The following DIP2C variants were observed in gnomAD, a reference collection of about 807,000 sequenced individuals.
DIP2C encodes the protein DIP2 acetate--CoA ligase C (putative), also known as disco-interacting protein 2 homolog C.
Under a neutral mutation model 192.4 loss-of-function variants are expected in DIP2C, and 33 were observed. The observed-to-expected ratio is 0.17, with a 90% CI of 0.13 to 0.23. The LOEUF (loss-of-function observed/expected upper bound fraction) is 0.23, where lower values mean the gene tolerates loss of function less well. Among genes scored for constraint, DIP2C ranks in the 10% least tolerant of loss-of-function variants. DIP2C has a pLI of 1.00. For missense variants in DIP2C, 1,537 were observed against 2,110.1 expected (o/e 0.73, Z 5.32); for synonymous variants, 979 against 864.1 (o/e 1.13, Z -2.33).
chr10:503,247 C>T (rs939813721), intron 1 of DIP2C, among the ~76,000 whole-genome samples: 9 of 152,160 alleles, frequency 5.9e-5, no homozygotes, highest in African/African-American at 2.2e-4. Flanking sequence ...ATCATGATTC[C>T]AACATAAATC....
intron 30 of DIP2C, among the ~76,000 whole-genome samples, chr10:327,625 C>G (rs3123234): frequency 0.98 from 150,021 of 152,306 alleles, 73,926 homozygotes; most frequent in Middle Eastern, 1. Context: ...TTGAACTCCT[C>G]GGCTCAAGTG....
intron 1 of DIP2C, among the ~76,000 whole-genome samples, chr10:643,309 C>G (rs536135464): frequency 6.6e-6 from 1 of 151,556 alleles, no homozygotes; most frequent in Admixed American, 6.6e-5. Context: ...TGTCAGAGAT[C>G]GAGACCATCC....
At chr10:282,770 T>TG (rs1175165759) in intron 35 of DIP2C, among the ~76,000 whole-genome samples, 2 of 152,244 alleles carry the variant, frequency 1.3e-5, no homozygotes, top group Admixed American at 6.5e-5. Flanking sequence ...TACTCTCTGA[T>TG]GAATGCATGG....
rs200906217 is a variant in DIP2C, at chr10:381,025, CG to C, written c.1991+1621del. On this transcript the variant is annotated intron_variant, in intron 17 of 36. Coordinates refer to ENST00000280886, the MANE Select transcript of DIP2C (RefSeq NM_014974.3). ...GCAGAGAGGGATGTGTTGGTGGAAA[CG>C]CAAGTACGAGTGCTGCTTTCATCAA... Among the ~76,000 whole-genome samples the C allele has an allele frequency of 3.0e-4, 45 of 152,300 alleles. No homozygotes were observed. The East Asian group carries it at 7.3e-3, about 25-fold the overall frequency.
In DIP2C at chr10:568,765, C is replaced by CAAAAAAAAAAAAAA. The variant is rs1206501677; in HGVS notation, c.86-82249_86-82236dup. 7.4e-4 allele frequency among the ~76,000 whole-genome samples: 28 copies of CAAAAAAAAAAAAAA among 37,882 alleles called. 6 individuals carry two copies. Among genetic ancestry groups the CAAAAAAAAAAAAAA allele is most frequent in the Non-Finnish European group, 1.1e-3 (23 of 21,496 alleles). 24.9% of individuals were successfully genotyped at this position (37,882 alleles called of 152,430 possible). On this transcript the variant is annotated intron_variant, in intron 1 of 36. Transcript: ENST00000280886. ...TGGGCGACAGAGGGAAACTCCGTCT[C>CAAAAAAAAAAAAAA]AAAAAAAAAAAAAAAAAAAAAAAAA...
At chr10:484,907 T>C in intron 2 of DIP2C, 1 of 1,611,792 alleles carries the variant, frequency 6.2e-7, no homozygotes. Flanking sequence ...GCTCCTTCAC[T>C]GTGCTGCAGT....
At chr10:638,011 G>T (rs1212527017) in intron 1 of DIP2C, among the ~76,000 whole-genome samples, 1 of 152,186 alleles carries the variant, frequency 6.6e-6, no homozygotes, top group African/African-American at 2.4e-5. Context: ...GGGAAACGTG[G>T]AAGGGCCAGA....
At chr10:533,470 A>T (rs1847529387) in intron 1 of DIP2C, among the ~76,000 whole-genome samples, 2 of 152,134 alleles carry the variant, frequency 1.3e-5, no homozygotes, top group Non-Finnish European at 2.9e-5. Flanking sequence ...AAATCCTTCC[A>T]AATAGTTTAT....
intron 32 of DIP2C, among the ~76,000 whole-genome samples, chr10:294,578 AGT>A (rs1374369860): frequency 6.6e-6 from 1 of 151,652 alleles, no homozygotes; most frequent in Non-Finnish European, 1.5e-5. Context: ...TGGGTGACAG[AGT>A]GATACCCCAT....
chr10:458,569 A>G (rs993587551), intron 3 of DIP2C, among the ~76,000 whole-genome samples: 3 of 150,854 alleles, frequency 2.0e-5, no homozygotes, highest in Non-Finnish European at 2.9e-5. Flanking sequence ...GAGTGCTCAG[A>G]ACCCGTGACG....
chr10:382,266 G>A (rs1373361235), intron 17 of DIP2C, among the ~76,000 whole-genome samples: 7 of 152,062 alleles, frequency 4.6e-5, no homozygotes, highest in Non-Finnish European at 8.8e-5. Context: ...CATGGAAGTC[G>A]GTAACACTAC....
At chr10:312,916 G>C (rs1056349288) in intron 31 of DIP2C, among the ~76,000 whole-genome samples, 2 of 152,166 alleles carry the variant, frequency 1.3e-5, no homozygotes, top group African/African-American at 4.8e-5. Context: ...TCCTAGTTCA[G>C]AAATTGTTAT....
intron 35 of DIP2C, 46 bp from the exon 36 acceptor site, chr10:281,369 C>G (rs761947870): frequency 6.5e-7 from 1 of 1,530,248 alleles, no homozygotes; most frequent in East Asian, 2.4e-5. Context: ...TAATGCCGCT[C>G]AAGCCGTTTC....
At chr10:466,312 G>A (rs1208536419) in intron 3 of DIP2C, among the ~76,000 whole-genome samples, 5 of 145,634 alleles carry the variant, frequency 3.4e-5, no homozygotes, top group Non-Finnish European at 4.6e-5. Flanking sequence ...TTAATAAATG[G>A]TGCTGGGAAA....
chr10:581,044 C>A (rs537360491), intron 1 of DIP2C, among the ~76,000 whole-genome samples: 302 of 152,300 alleles, frequency 2.0e-3, no homozygotes, highest in Middle Eastern at 0.01. Context: ...GTGAGAGAGA[C>A]CAATGTCCCA....
At position 436,312 on chromosome 10, in the gene DIP2C, G is replaced by A. The variant is rs111523892; in HGVS notation, c.394+4559C>T. On this transcript the variant is annotated intron_variant, in intron 4 of 36. Coordinates refer to ENST00000280886, the MANE Select transcript of DIP2C (RefSeq NM_014974.3). ...CGCTCAGGATCCCATAAGCTTCTTCGGAAGCTTTCCAGCTCTTGTTTTAGC... is the reference window on the plus strand; with the variant it reads ...CGCTCAGGATCCCATAAGCTTCTTCAGAAGCTTTCCAGCTCTTGTTTTAGC... 2.3e-3 allele frequency among the ~76,000 whole-genome samples: 349 copies of A among 152,338 alleles called. 1 individual carries two copies. The highest frequency in any genetic ancestry group is 3.9e-3 in the Non-Finnish European group (265 of 68,046).
intron 1 of DIP2C, among the ~76,000 whole-genome samples, chr10:580,275 T>C (rs899012935): frequency 3.3e-5 from 5 of 152,144 alleles, no homozygotes; most frequent in African/African-American, 9.7e-5. Flanking sequence ...CAGTACATAG[T>C]GTATGTACAT....
At chr10:338,539 A>G (rs541348533) in intron 29 of DIP2C, among the ~76,000 whole-genome samples, 78 of 152,062 alleles carry the variant, frequency 5.1e-4, no homozygotes, top group African/African-American at 1.8e-3. Context: ...CACAGCATTC[A>G]GTGCACTAAC....
chr10:627,063 G>A (rs1380548743), intron 1 of DIP2C, among the ~76,000 whole-genome samples: 2 of 152,314 alleles, frequency 1.3e-5, no homozygotes, highest in Non-Finnish European at 1.5e-5. Context: ...CTCGCTCGCC[G>A]TACCAGGATT....
Sources: allele counts gnomAD v4.1 joint callset (sites outside exome capture counted in the v4.1 genomes callset), GRCh38; gene constraint gnomAD v4.1.1; transcripts MANE v1.5; gene names NCBI Gene and HGNC (gene_info 2026-07-23, HGNC 2026-07-21).